The following RPS6KA2 variants were observed in gnomAD, a reference collection of about 807,000 sequenced individuals.
RPS6KA2 encodes ribosomal protein S6 kinase A2.
A neutral mutation model predicts 91.8 loss-of-function variants in RPS6KA2; 42 were observed. The observed-to-expected ratio is 0.46, with a 90% CI of 0.36 to 0.59. The LOEUF (loss-of-function observed/expected upper bound fraction) is 0.59, where lower values mean the gene tolerates loss of function less well. Ranked by LOEUF, RPS6KA2 falls within the 20% of genes least tolerant of loss-of-function variation. The pLI, the probability that RPS6KA2 is intolerant of heterozygous loss-of-function variation, is 0.00. For missense variants in RPS6KA2, 798 were observed against 978.5 expected, an observed-to-expected ratio of 0.82 and a Z score of 2.46; for synonymous variants, 414 against 393.6, an observed-to-expected ratio of 1.05 and a Z score of -0.61.
intron 2 of RPS6KA2, among the ~76,000 whole-genome samples, chr6:166,700,191 C>T (rs1789468612): frequency 6.6e-6 from 1 of 152,218 alleles, no homozygotes; most frequent in African/African-American, 2.4e-5. Context: ...CCAGCCGTTC[C>T]AAAATCTTCT....
Position 166,451,205 on chromosome 6 carries a change from G to T in RPS6KA2, c.1104C>A (p.Asn368Lys). ...TGAATCCTCTAAACAGGTGATGAGC[G>T]TTTGCACTCGGGGGGACGCCAGGAG... is the stretch of plus-strand genomic sequence containing the variant. ...TDSPGVPPSANAHHLFRGFSF... is the reference protein window; with the variant it reads ...TDSPGVPPSAKAHHLFRGFSF... The change falls in exon 13 of 21, where the codon AAC becomes AAA. Residue 368 changes from asparagine to lysine, a missense_variant. Transcript: ENST00000265678. 1 of 1,614,024 alleles carries T rather than the reference G, an allele frequency of 6.2e-7. No individual in the cohort carries two copies. Among genetic ancestry groups the T allele is most frequent in the Non-Finnish European group, 8.5e-7 (1 of 1,179,984 alleles).
At chr6:166,486,221 T>A (rs1188704216) in intron 10 of RPS6KA2, among the ~76,000 whole-genome samples, 1 of 151,882 alleles carries the variant, frequency 6.6e-6, no homozygotes, top group Non-Finnish European at 1.5e-5. Context: ...GGTCAGTAGG[T>A]TCCTCTAAGC....
At chr6:166,518,658 T>C (rs1304375182) in intron 3 of RPS6KA2, among the ~76,000 whole-genome samples, 1 of 152,164 alleles carries the variant, frequency 6.6e-6, no homozygotes, top group Non-Finnish European at 1.5e-5. Flanking sequence ...CACAAGTATA[T>C]GTTGAGTTTA....
At chr6:166,491,627 T>C (rs1410564528) in intron 8 of RPS6KA2, among the ~76,000 whole-genome samples, 1 of 152,244 alleles carries the variant, frequency 6.6e-6, no homozygotes, top group African/African-American at 2.4e-5. Flanking sequence ...TCCATGGTCT[T>C]ATTGAATTCT....
intron 2 of RPS6KA2, among the ~76,000 whole-genome samples, chr6:166,818,638 G>A (rs1779829808): frequency 6.6e-6 from 1 of 152,130 alleles, no homozygotes; most frequent in South Asian, 2.1e-4. Context: ...ACCGTTGCCT[G>A]TGCTTGTTAT....
chr6:166,648,170 ATGCT>A lies in RPS6KA2; in HGVS notation c.124-109390_124-109387del, dbSNP rs879653293. On this transcript the variant is annotated intron_variant, in intron 2 of 21. Transcript: ENST00000503859. This position sits in a 1 kb window ranked among gnomAD's most constrained non-coding sequence, Gnocchi z 4.8. ...CACATGGTTACACACCCATGCACAC[ATGCT>A]CACACACATGCACACATGCTCATAC... 0.14 allele frequency among the ~76,000 whole-genome samples: 20,847 copies of A among 149,978 alleles called. 1,458 individuals are homozygous for A. The highest frequency in any genetic ancestry group is 0.19 in the East Asian group (959 of 5,012).
chr6:166,613,113 A>G (rs938159145), intron 1 of RPS6KA2, among the ~76,000 whole-genome samples: 8 of 151,920 alleles, frequency 5.3e-5, no homozygotes, highest in Non-Finnish European at 1.5e-5. Context: ...TTAAGGGGGG[A>G]GGTTTGATTT....
At chr6:166,693,368 C>T (rs1789265459) in intron 2 of RPS6KA2, among the ~76,000 whole-genome samples, 2 of 152,136 alleles carry the variant, frequency 1.3e-5, no homozygotes. Context: ...TGTGTCTTTT[C>T]TGGAGATTCT....
chr6:166,529,536 G>C (rs1323929598), intron 3 of RPS6KA2, among the ~76,000 whole-genome samples: 3 of 151,950 alleles, frequency 2.0e-5, no homozygotes. Flanking sequence ...AAACCTGCAC[G>C]TTGTGCACGT....
chr6:166,485,744 G>T (rs1781386305), intron 10 of RPS6KA2, among the ~76,000 whole-genome samples: 1 of 152,142 alleles, frequency 6.6e-6, no homozygotes, highest in Non-Finnish European at 1.5e-5. Flanking sequence ...TAAACAAAAG[G>T]CCAGACCACA....
intron 2 of RPS6KA2, among the ~76,000 whole-genome samples, chr6:166,745,584 T>C (rs1259657548): frequency 1.3e-5 from 2 of 152,104 alleles, no homozygotes; most frequent in Non-Finnish European, 2.9e-5. Context: ...GGGCTTAGAG[T>C]TCCAACATAC....
intron 19 of RPS6KA2, among the ~76,000 whole-genome samples, chr6:166,414,868 C>T (rs1778444085): frequency 6.6e-6 from 1 of 152,152 alleles, no homozygotes; most frequent in Admixed American, 6.5e-5. Flanking sequence ...AGTTTGAGAC[C>T]AGCCTGGCCA....
At chr6:166,616,162 C>G (rs1170163473) in intron 1 of RPS6KA2, among the ~76,000 whole-genome samples, 1 of 152,184 alleles carries the variant, frequency 6.6e-6, no homozygotes, top group East Asian at 1.9e-4. Flanking sequence ...CCCCAGCACT[C>G]TGGAGTTTCA....
At chr6:166,738,674 A>G (rs1038214154) in intron 2 of RPS6KA2, among the ~76,000 whole-genome samples, 29 of 152,186 alleles carry the variant, frequency 1.9e-4, no homozygotes, top group African/African-American at 6.5e-4. Flanking sequence ...GAAAGAGAAT[A>G]TGGCTTTAAA....
intron 10 of RPS6KA2, among the ~76,000 whole-genome samples, chr6:166,483,771 C>T (rs1024824224): frequency 5.9e-5 from 9 of 152,194 alleles, no homozygotes; most frequent in East Asian, 1.9e-4. Context: ...CAACTAGAGC[C>T]GACTCCTGCA....
At chr6:166,420,066 G>A in intron 17 of RPS6KA2, 108 bp from the exon 18 acceptor site, 2 of 1,036,160 alleles carry the variant, frequency 1.9e-6, no homozygotes, top group Admixed American at 3.8e-5. Context: ...ACCAGGAGGA[G>A]GGCGGTGCCA....
At chr6:166,736,272 T>C (rs1790666998) in intron 2 of RPS6KA2, among the ~76,000 whole-genome samples, 1 of 152,234 alleles carries the variant, frequency 6.6e-6, no homozygotes, top group East Asian at 1.9e-4. Flanking sequence ...TTTGTTCTGC[T>C]CTTTCTTGGA....
chr6:166,654,845 T>C (rs1582990130), intron 2 of RPS6KA2, among the ~76,000 whole-genome samples: 1 of 152,240 alleles, frequency 6.6e-6, no homozygotes, highest in African/African-American at 2.4e-5. Flanking sequence ...CACTCGCTTC[T>C]GCCTGCCGGG....
intron 6 of RPS6KA2, among the ~76,000 whole-genome samples, chr6:166,501,591 C>G (rs1344232185): frequency 6.6e-6 from 1 of 152,234 alleles, no homozygotes; most frequent in Non-Finnish European, 1.5e-5. Flanking sequence ...TTGCTCCTCC[C>G]AGGTATCCTG....
Sources: allele counts gnomAD v4.1 joint callset (sites outside exome capture counted in the v4.1 genomes callset), GRCh38; gene constraint gnomAD v4.1.1; non-coding constraint Gnocchi (gnomAD v3.1); transcripts MANE v1.5; gene names NCBI Gene and HGNC (gene_info 2026-07-23, HGNC 2026-07-21).